The following SLC12A2 variants were observed in gnomAD, a reference collection of about 807,000 sequenced individuals.
SLC12A2 encodes Na-K-2Cl cotransporter 1.
SLC12A2 carries 67 observed loss-of-function variants against 136.3 expected under a neutral mutation model. That is an observed-to-expected ratio of 0.49 (90% CI 0.40 to 0.60). The LOEUF is 0.60. Ranked by LOEUF, SLC12A2 falls within the 20% of genes least tolerant of loss-of-function variation. The pLI is 0.00. For missense variants in SLC12A2, 1,322 were observed against 1,534.7 expected, an observed-to-expected ratio of 0.86 and a Z score of 2.32; for synonymous variants, 619 against 562.9, an observed-to-expected ratio of 1.10 and a Z score of -1.41.
intron 1 of SLC12A2, among the ~76,000 whole-genome samples, chr5:128,085,371 C>T (rs1473174776): frequency 6.6e-6 from 1 of 151,606 alleles, no homozygotes; most frequent in African/African-American, 2.4e-5. Flanking sequence ...AGAGGCGAGT[C>T]TTTAAAGAAA....
chr5:128,161,907 C>CT (rs1763051893), intron 17 of SLC12A2, 107 bp downstream of exon 17: 4 of 759,574 alleles, frequency 5.3e-6, no homozygotes, highest in East Asian at 3.4e-5. Flanking sequence ...AATGGCAAAT[C>CT]TTTTTTTATG....
At chr5:128,100,374 G>T (rs969616668) in intron 1 of SLC12A2, among the ~76,000 whole-genome samples, 2 of 152,128 alleles carry the variant, frequency 1.3e-5, no homozygotes, top group Non-Finnish European at 2.9e-5. Context: ...AATCTGAAAT[G>T]CTCCAAAATC....
rs77971671 is a variant in SLC12A2 at position 128,157,174 on chromosome 5, T to C, written c.2364-879T>C. On this transcript the variant is annotated intron_variant, in intron 15 of 26. Coordinates refer to ENST00000262461, the MANE Select transcript of SLC12A2 (RefSeq NM_001046.3). ...TCGGAAATTGTAGTCTGCAATTCAC[T>C]TTCTGTTATAGTTCATTTTGATTAT... Among the ~76,000 whole-genome samples, 214 of 152,338 alleles carry C rather than the reference T, an allele frequency of 1.4e-3. 4 individuals carry two copies. The East Asian group carries it at 0.033, about 23-fold the overall frequency.
At chr5:128,108,373 A>G (rs562186889) in intron 1 of SLC12A2, among the ~76,000 whole-genome samples, 6 of 152,352 alleles carry the variant, frequency 3.9e-5, no homozygotes, top group African/African-American at 1.4e-4. Context: ...TGGCAGCATT[A>G]TTCATAATAG....
intron 1 of SLC12A2, among the ~76,000 whole-genome samples, chr5:128,090,148 A>G (rs1283585719): frequency 3.3e-5 from 5 of 152,238 alleles, no homozygotes; most frequent in Non-Finnish European, 5.9e-5. Flanking sequence ...TAGTTCTACA[A>G]TGCGGCAAAC....
At position 128,188,946 on chromosome 5, in the gene SLC12A2, T is replaced by C. The variant is rs1293400013; in HGVS notation, c.*2315T>C. 6.6e-6 allele frequency: 1 copy of C among 152,206 alleles called. No individual in the cohort carries two copies. Among genetic ancestry groups the C allele is most frequent in the Non-Finnish European group, 1.5e-5 (1 of 67,972 alleles). The allele number at this position is 152,206 out of a possible 1,614,324, so 9.4% of individuals were successfully genotyped here. A position where few individuals can be genotyped will look rare whatever the true frequency, so the allele number is the denominator to read the frequency against. ...CTTTTTTTTTTTTTTTTTTAAGTTT[T>C]TCCCATTCAGGAAAACAACATTGTG... is the stretch of plus-strand genomic sequence containing the variant. On this transcript the variant is annotated 3_prime_UTR_variant, in exon 27 of 27. Coordinates refer to ENST00000262461, the MANE Select transcript of SLC12A2 (RefSeq NM_001046.3).
intron 16 of SLC12A2, among the ~76,000 whole-genome samples, chr5:128,159,485 A>G (rs1402344377): frequency 3.3e-5 from 5 of 152,228 alleles, no homozygotes; most frequent in Non-Finnish European, 7.3e-5. Flanking sequence ...GAATGGGAGA[A>G]AAGTTTTGCA....
At chr5:128,179,946 TCC>T (rs1763650846) in intron 22 of SLC12A2, among the ~76,000 whole-genome samples, 1 of 134,060 alleles carries the variant, frequency 7.5e-6, no homozygotes, top group African/African-American at 2.9e-5. Context: ...TCCCAATCGT[TCC>T]TTTTTTTTTT....
intron 12 of SLC12A2, among the ~76,000 whole-genome samples, 171 bp from the exon 13 acceptor site, chr5:128,149,826 T>C (rs557378761): frequency 1.8e-3 from 272 of 152,004 alleles, no homozygotes; most frequent in African/African-American, 6.3e-3. Context: ...CAGGACTGGA[T>C]TTCTGAAAAG....
At chr5:128,171,568 G>T in intron 18 of SLC12A2, 99 bp from the exon 19 acceptor site, 1 of 749,314 alleles carries the variant, frequency 1.3e-6, no homozygotes, top group South Asian at 1.7e-5. Context: ...AAAGCCGAAA[G>T]TAATTTTAGA....
At chr5:128,185,532 A>G (rs1763839745) in intron 26 of SLC12A2, among the ~76,000 whole-genome samples, 1 of 134,534 alleles carries the variant, frequency 7.4e-6, no homozygotes, top group South Asian at 2.2e-4. Flanking sequence ...CAATAAATCA[A>G]AAAGTTTCAA....
At chr5:128,102,227 T>TA (rs916385168) in intron 1 of SLC12A2, among the ~76,000 whole-genome samples, 10 of 151,774 alleles carry the variant, frequency 6.6e-5, no homozygotes, top group African/African-American at 1.7e-4. Flanking sequence ...TTGTGGAATC[T>TA]AAAAAAAACA....
chr5:128,148,188 A>G (rs987073674), intron 11 of SLC12A2, among the ~76,000 whole-genome samples: 7 of 151,790 alleles, frequency 4.6e-5, no homozygotes, highest in African/African-American at 1.7e-4. Context: ...TAGGATAGAC[A>G]TTATCTCCTT....
rs2126627023 is a variant in SLC12A2, at chr5:128,083,884, C to G, written c.-71C>G. The G allele has an allele frequency of 8.8e-7, 1 of 1,133,782 alleles. No homozygotes were observed. Among genetic ancestry groups the G allele is most frequent in the African/African-American group, 1.6e-5 (1 of 62,066 alleles). 70.2% of individuals were successfully genotyped at this position (1,133,782 alleles called of 1,614,324 possible). A position where few individuals can be genotyped will look rare whatever the true frequency, so the allele number is the denominator to read the frequency against. On this transcript the variant is annotated 5_prime_UTR_variant, in exon 1 of 27. Transcript: ENST00000262461. The stretch of plus-strand genomic sequence containing the variant: ...GTCTTGCGGCTGTGGCCACCGCCGG[C>G]CAGGGGTGTGGAGGGCGTGCTGCCG...
At position 128,114,647 on chromosome 5, in the gene SLC12A2, T is replaced by C. The variant is rs774039068; in HGVS notation, c.1014T>C (p.Thr338=). 35 of 1,611,730 alleles carry C rather than the reference T, an allele frequency of 2.2e-5. No homozygotes were observed. In the South Asian group the frequency reaches 3.2e-4, roughly 15 times the overall value. The change falls in exon 4 of 27, where the codon ACT becomes ACC. Residue 338 remains threonine (T), a synonymous_variant. Coordinates refer to ENST00000262461, the MANE Select transcript of SLC12A2 (RefSeq NM_001046.3). ...TVVTTITGLS[T]SAIATNGFVR... ...TGACAACTATCACAGGATTGTCTAC[T>C]TCAGCAATAGCAACTAATGGATTTG...
intron 5 of SLC12A2, among the ~76,000 whole-genome samples, chr5:128,133,310 CATCTTTGG>C (rs888980561): frequency 4.6e-5 from 7 of 152,008 alleles, no homozygotes; most frequent in African/African-American, 1.7e-4. Flanking sequence ...TTGACAAAAG[CATCTTTGG>C]ATCTTTGGAT....
Position 128,186,874 on chromosome 5 carries a change from G to A in SLC12A2, c.*243G>A. 2.8e-6 allele frequency: 1 copy of A among 360,880 alleles called. No individual in the cohort carries two copies. 22.4% of individuals were successfully genotyped at this position (360,880 alleles called of 1,614,324 possible). On this transcript the variant is annotated 3_prime_UTR_variant, in exon 27 of 27. Coordinates refer to ENST00000262461, the MANE Select transcript of SLC12A2 (RefSeq NM_001046.3). ...CTCTGTTGAACTGAAGTTTGTGAGA[G>A]TAGTTTTCCTTTGCTACTTGAATAG...
At chr5:128,110,171 T>G (rs531331150) in intron 1 of SLC12A2, 1 of 825,162 alleles carries the variant, frequency 1.2e-6, no homozygotes, top group East Asian at 2.4e-5. Context: ...AGATGCCAGA[T>G]GTAGAGTTCT....
At chr5:128,178,840 C>A (rs1763613853) in intron 22 of SLC12A2, 151 bp downstream of exon 22, 1 of 509,960 alleles carries the variant, frequency 2.0e-6, no homozygotes, top group Non-Finnish European at 3.4e-6. Flanking sequence ...CAGGCACAGC[C>A]TTTAGTTGTC....
Sources: allele counts gnomAD v4.1 joint callset (sites outside exome capture counted in the v4.1 genomes callset), GRCh38; gene constraint gnomAD v4.1.1; transcripts MANE v1.5; gene names NCBI Gene and HGNC (gene_info 2026-07-23, HGNC 2026-07-21).